Variants in LDLRAD3 observed in about 807,000 individuals in gnomAD.
LDLRAD3 encodes low-density lipoprotein receptor class A domain-containing protein 3.
A neutral mutation model predicts 29.4 loss-of-function variants in LDLRAD3; 20 were observed. The observed-to-expected ratio is 0.68, with a 90% CI of 0.48 to 0.99. The LOEUF (loss-of-function observed/expected upper bound fraction) is 0.99. Among genes scored for constraint, LDLRAD3 ranks in the 50% least tolerant of loss-of-function variants. LDLRAD3 has a pLI of 0.00. For synonymous variants in LDLRAD3, 157 were observed against 192.7 expected, an observed-to-expected ratio of 0.81 and a Z score of 1.53; for missense variants, 420 against 454.3, an observed-to-expected ratio of 0.92 and a Z score of 0.69.
rs1253485172 is a variant in LDLRAD3, at chr11:36,168,050, C to T, written c.455-59035C>T. Among the ~76,000 whole-genome samples, 4 of 152,198 alleles carry T rather than the reference C, an allele frequency of 2.6e-5. No homozygotes were observed. In the East Asian group the frequency reaches 7.7e-4, roughly 29 times the overall value. The stretch of plus-strand genomic sequence containing the variant: ...TCTGAAAACGCTCATCGATATTCTC[C>T]TCTACTTTCTCTTCTGGCCCTGCCT... On this transcript the variant is annotated intron_variant, in intron 4 of 5. Coordinates refer to ENST00000315571, the MANE Select transcript of LDLRAD3 (RefSeq NM_174902.4).
At chr11:36,185,760 TCTC>T (rs989239924) in intron 4 of LDLRAD3, among the ~76,000 whole-genome samples, 2 of 152,120 alleles carry the variant, frequency 1.3e-5, no homozygotes, top group African/African-American at 4.8e-5. Flanking sequence ...CACACATTCT[TCTC>T]TACTGGTGAA....
At chr11:36,114,162 A>G (rs1390289670) in intron 4 of LDLRAD3, among the ~76,000 whole-genome samples, 1 of 152,182 alleles carries the variant, frequency 6.6e-6, no homozygotes, top group Non-Finnish European at 1.5e-5. Flanking sequence ...TTTTGCACTG[A>G]TCAACACCGG....
At chr11:35,996,421 A>G (rs974049506) in intron 1 of LDLRAD3, among the ~76,000 whole-genome samples, 2 of 152,206 alleles carry the variant, frequency 1.3e-5, no homozygotes, top group African/African-American at 4.8e-5. Context: ...GATAACATCA[A>G]AGATCACTGA....
At chr11:35,968,127 A>G in intron 1 of LDLRAD3, 1 of 445,724 alleles carries the variant, frequency 2.2e-6, no homozygotes, top group Non-Finnish European at 4.4e-6. Flanking sequence ...CTCAGCAGGC[A>G]GCCCTTGTTC....
At chr11:36,080,481 G>C (rs888617076) in intron 2 of LDLRAD3, among the ~76,000 whole-genome samples, 2 of 152,180 alleles carry the variant, frequency 1.3e-5, no homozygotes, top group Non-Finnish European at 2.9e-5. Flanking sequence ...CTGTTGAGTT[G>C]GTTGAAATCA....
intron 4 of LDLRAD3, among the ~76,000 whole-genome samples, chr11:36,191,620 ACACG>A (rs1170320380): frequency 0.086 from 7,037 of 82,158 alleles, 282 homozygotes; most frequent in East Asian, 0.12. Context: ...ACACACACAC[ACACG>A]CACGCACGCA....
chr11:36,006,670 T>C (rs1316972317), intron 1 of LDLRAD3, among the ~76,000 whole-genome samples: 1 of 152,238 alleles, frequency 6.6e-6, no homozygotes, highest in African/African-American at 2.4e-5. Flanking sequence ...AGTTTTCTCC[T>C]CTGTAAACTT....
At chr11:36,064,113 A>G (rs566100613) in intron 2 of LDLRAD3, among the ~76,000 whole-genome samples, 80 of 152,306 alleles carry the variant, frequency 5.3e-4, no homozygotes, top group African/African-American at 1.8e-3. Context: ...TTCAGTGTAC[A>G]AGTCTTACAC....
intron 4 of LDLRAD3, among the ~76,000 whole-genome samples, chr11:36,191,608 A>G (rs1854951925): frequency 9.1e-6 from 1 of 109,938 alleles, no homozygotes. Flanking sequence ...ATACACACAC[A>G]CACACACACA....
rs61878972 is a variant in LDLRAD3 at position 36,075,544 on chromosome 11, C to T, written c.194-6109C>T. The stretch of plus-strand genomic sequence containing the variant: ...TCTCTTTGTAATTAATAACATATTG[C>T]GGAAGATACTTTGACACTGTGCATA... On this transcript the variant is annotated intron_variant, in intron 2 of 5. Transcript: ENST00000315571. Among the ~76,000 whole-genome samples the T allele has an allele frequency of 9.0e-3, 1,373 of 152,280 alleles. 14 individuals carry two copies. The highest frequency in any genetic ancestry group is 0.019 in the East Asian group (97 of 5,182).
chr11:36,139,915 C>T (rs993334778), intron 4 of LDLRAD3, among the ~76,000 whole-genome samples: 2 of 152,206 alleles, frequency 1.3e-5, no homozygotes, highest in Non-Finnish European at 2.9e-5. Flanking sequence ...GGGTTTAGAG[C>T]TGGGCACTGA....
chr11:36,011,883 A>G (rs1247110635), intron 1 of LDLRAD3, among the ~76,000 whole-genome samples: 1 of 152,218 alleles, frequency 6.6e-6, no homozygotes, highest in East Asian at 1.9e-4. Context: ...GAATGCAGGC[A>G]TCACGTCTAA....
At chr11:36,091,104 T>C (rs1853274108) in intron 3 of LDLRAD3, among the ~76,000 whole-genome samples, 16 of 152,154 alleles carry the variant, frequency 1.1e-4, no homozygotes, top group Admixed American at 1.0e-3. Context: ...CCCCTCTCCC[T>C]CAGTTGCCTG....
chr11:36,172,023 G>A (rs1057480732), intron 4 of LDLRAD3, among the ~76,000 whole-genome samples: 1 of 152,084 alleles, frequency 6.6e-6, no homozygotes, highest in Non-Finnish European at 1.5e-5. Context: ...TCCTTGTAGA[G>A]GTCTTTCATG....
chr11:36,148,816 G>A (rs1019948217), intron 4 of LDLRAD3, among the ~76,000 whole-genome samples: 4 of 152,208 alleles, frequency 2.6e-5, no homozygotes, highest in Admixed American at 2.0e-4. Flanking sequence ...CCAGCTCTGT[G>A]AAGGAGGCAT....
intron 1 of LDLRAD3, among the ~76,000 whole-genome samples, chr11:35,957,843 G>A (rs374007336): frequency 2.0e-5 from 3 of 147,664 alleles, no homozygotes; most frequent in Non-Finnish European, 4.4e-5. Context: ...ATACAATGCC[G>A]TACACATCTG....
At chr11:36,190,626 C>G (rs140574267) in intron 4 of LDLRAD3, among the ~76,000 whole-genome samples, 183 of 151,984 alleles carry the variant, frequency 1.2e-3, no homozygotes, top group African/African-American at 4.2e-3. Context: ...ATATCCAAAT[C>G]GTAGGAATTC....
chr11:36,210,341 T>C (rs12790360), intron 4 of LDLRAD3, among the ~76,000 whole-genome samples: 43,948 of 152,148 alleles, frequency 0.29, 6,433 homozygotes, highest in East Asian at 0.34. Flanking sequence ...CAGAAGACTT[T>C]GATTTCTTCA....
intron 1 of LDLRAD3, among the ~76,000 whole-genome samples, chr11:35,954,689 C>T (rs1331477798): frequency 2.6e-5 from 4 of 152,132 alleles, no homozygotes; most frequent in African/African-American, 9.7e-5. Context: ...TCTCATTGAT[C>T]TTCAAAGACT....
Sources: gnomAD v4.1 joint callset for allele counts (sites outside exome capture counted in the v4.1 genomes callset) on GRCh38, gnomAD v4.1.1 for gene constraint, MANE v1.5 for transcripts, NCBI Gene and HGNC (gene_info 2026-07-23, HGNC 2026-07-21) for gene names.